UNC13C: variants seen among roughly 807,000 people sequenced by gnomAD.
The protein encoded by UNC13C is unc-13 homolog C, also known as protein unc-13 homolog C.
Under a neutral mutation model 245.4 loss-of-function variants are expected in UNC13C, and 174 were observed. That is an observed-to-expected ratio of 0.71 (90% CI 0.63 to 0.80). The LOEUF (loss-of-function observed/expected upper bound fraction) is 0.80, where lower values mean the gene tolerates loss of function less well. UNC13C is among the 30% of genes least tolerant of loss of function. UNC13C has a pLI of 0.00. For missense variants in UNC13C, 2,829 were observed against 2,602.9 expected (o/e 1.09, Z -1.89); for synonymous variants, 992 against 895.1 (o/e 1.11, Z -1.93).
the UNC13C span, among the ~76,000 whole-genome samples, chr15:53,923,730 G>A: frequency 6.6e-6 from 1 of 152,270 alleles, no homozygotes; most frequent in Admixed American, 6.5e-5. Context: ...TCCTTGGAAT[G>A]GAACTAACAC....
intron 19 of UNC13C, among the ~76,000 whole-genome samples, chr15:54,483,626 G>T (rs1893248497): frequency 6.6e-6 from 1 of 152,130 alleles, no homozygotes; most frequent in Admixed American, 6.5e-5. Context: ...CTCCCAAGTA[G>T]CTGGGATTAC....
chr15:54,327,993 T>G (rs1489366310), intron 14 of UNC13C, among the ~76,000 whole-genome samples: 1 of 152,030 alleles, frequency 6.6e-6, no homozygotes, highest in Non-Finnish European at 1.5e-5. Flanking sequence ...ATAAAATGCT[T>G]TAAGAAAAGG....
chr15:54,013,351 G>T lies in UNC13C; in HGVS notation c.448G>T (p.Val150Phe), dbSNP rs1222923428. 1 of 1,613,752 alleles carries T rather than the reference G, an allele frequency of 6.2e-7. No individual in the cohort carries two copies. The highest frequency in any genetic ancestry group is 1.3e-5 in the African/African-American group (1 of 74,920). Reference sequence around the variant, plus strand: ...GGCACAATCAACACACACAATGCCAGTTAGACGCAACAGAAAGAGTTCAAG... The same window carrying T: ...GGCACAATCAACACACACAATGCCATTTAGACGCAACAGAAAGAGTTCAAG... The part of the protein sequence containing the change: ...NQAQSTHTMP[V>F]RRNRKSSSSL... Residue 150 changes from valine (V) to phenylalanine (F), a missense_variant, in exon 2 of 33, where the codon GTT becomes TTT. Val to Phe is a conservative substitution (Grantham distance 50). Transcript: ENST00000260323.
At chr15:54,358,362 T>C (rs1223138484) in intron 17 of UNC13C, among the ~76,000 whole-genome samples, 1 of 152,244 alleles carries the variant, frequency 6.6e-6, no homozygotes, top group Non-Finnish European at 1.5e-5. Flanking sequence ...AAGAACATCA[T>C]TGGTATTTTC....
chr15:54,088,309 A>C (rs1228503880), intron 2 of UNC13C, among the ~76,000 whole-genome samples: 2 of 146,284 alleles, frequency 1.4e-5, no homozygotes, highest in African/African-American at 5.1e-5. Context: ...CACTCCCCCG[A>C]CATCCTTGTG....
At chr15:53,875,612 T>C in the UNC13C span, among the ~76,000 whole-genome samples, 1 of 152,156 alleles carries the variant, frequency 6.6e-6, no homozygotes, top group Non-Finnish European at 1.5e-5. Context: ...TTGAGGATGA[T>C]GTATCTGATA....
intron 19 of UNC13C, among the ~76,000 whole-genome samples, chr15:54,451,345 T>C (rs768622800): frequency 6.6e-5 from 10 of 152,152 alleles, no homozygotes; most frequent in Non-Finnish European, 1.0e-4. Flanking sequence ...GATGTAAGCT[T>C]TACCTAATAT....
intron 30 of UNC13C, among the ~76,000 whole-genome samples, chr15:54,579,967 T>C (rs1041273596): frequency 5.9e-5 from 9 of 152,248 alleles, no homozygotes; most frequent in Non-Finnish European, 1.2e-4. Context: ...ATATTTTTGT[T>C]ACTGCTGTTT....
At chr15:54,604,154 C>T (rs894328380) in intron 30 of UNC13C, among the ~76,000 whole-genome samples, 1 of 152,136 alleles carries the variant, frequency 6.6e-6, no homozygotes, top group Non-Finnish European at 1.5e-5. Context: ...CTACAGTGGA[C>T]TGGTTGGTTT....
chr15:54,297,294 A>G (rs1215735181), intron 11 of UNC13C, among the ~76,000 whole-genome samples: 1 of 152,150 alleles, frequency 6.6e-6, no homozygotes, highest in Non-Finnish European at 1.5e-5. Context: ...ACGCTTGATA[A>G]TTACAATACC....
chr15:54,616,617 T>C (rs572256074), intron 30 of UNC13C, among the ~76,000 whole-genome samples: 60 of 152,166 alleles, frequency 3.9e-4, no homozygotes, highest in African/African-American at 1.4e-3. Flanking sequence ...TTTTACAGAA[T>C]AAGGTTATAA....
chr15:54,333,718 A>G (rs766573046), intron 15 of UNC13C, 49 bp from the exon 16 acceptor site: 106 of 1,251,122 alleles, frequency 8.5e-5, no homozygotes, highest in Non-Finnish European at 9.9e-5. Flanking sequence ...TTTTCCCACT[A>G]GAAGTTTACT....
At chr15:54,231,732 C>G (rs372940261) in intron 4 of UNC13C, among the ~76,000 whole-genome samples, 1 of 151,928 alleles carries the variant, frequency 6.6e-6, no homozygotes, top group Admixed American at 6.6e-5. Context: ...ATCAACTATA[C>G]CTAAAAGGGC....
Position 54,548,312 on chromosome 15 carries a change from C to T in UNC13C, c.5821-1323C>T, listed in dbSNP as rs181063541. Reference sequence around the variant, plus strand: ...TCTCGGCTCACTGCAAGCTCCACCTCCCAGGTTCACGCCATTCTCCTGCCT... The same window carrying T: ...TCTCGGCTCACTGCAAGCTCCACCTTCCAGGTTCACGCCATTCTCCTGCCT... On this transcript the variant is annotated intron_variant, in intron 27 of 32. Transcript: ENST00000260323. Among the ~76,000 whole-genome samples the T allele has an allele frequency of 3.4e-4, 50 of 148,072 alleles. 1 individual carries two copies. In the East Asian group the frequency reaches 8.8e-3, roughly 26 times the overall value.
intron 2 of UNC13C, among the ~76,000 whole-genome samples, chr15:54,055,049 A>G (rs1897447270): frequency 6.6e-6 from 1 of 152,166 alleles, no homozygotes; most frequent in Admixed American, 6.5e-5. Context: ...ATAAATAGGC[A>G]TTATTATAGG....
At chr15:54,301,805 G>A (rs902217341) in intron 13 of UNC13C, among the ~76,000 whole-genome samples, 1 of 152,108 alleles carries the variant, frequency 6.6e-6, no homozygotes, top group Admixed American at 6.5e-5. Context: ...TATATATCTA[G>A]TAATGGGCTT....
the UNC13C span, among the ~76,000 whole-genome samples, chr15:53,839,198 A>AT: frequency 2.6e-5 from 4 of 151,772 alleles, no homozygotes; most frequent in African/African-American, 9.7e-5. Context: ...CATGTTTACT[A>AT]TTTTTTACTG....
At chr15:54,237,798 C>A in intron 7 of UNC13C, 108 bp downstream of exon 7, 1 of 967,470 alleles carries the variant, frequency 1.0e-6, no homozygotes, top group Non-Finnish European at 1.5e-6. Context: ...TCCAATGTTC[C>A]AGAAATAACT....
At chr15:53,907,414 G>T in the UNC13C span, among the ~76,000 whole-genome samples, 1 of 152,034 alleles carries the variant, frequency 6.6e-6, no homozygotes, top group Non-Finnish European at 1.5e-5. Context: ...GTAAATATTT[G>T]TAATAGAAGA....
Sources: allele counts gnomAD v4.1 joint callset (sites outside exome capture counted in the v4.1 genomes callset), GRCh38; gene constraint gnomAD v4.1.1; transcripts MANE v1.5; gene names NCBI Gene and HGNC (gene_info 2026-07-23, HGNC 2026-07-21).